Variants in L3MBTL4 observed in about 807,000 individuals in gnomAD.
L3MBTL4 encodes lethal(3)malignant brain tumor-like protein 4.
L3MBTL4 carries 70 observed loss-of-function variants against 84.5 expected under a neutral mutation model. That is an observed-to-expected ratio of 0.83 (90% confidence interval 0.68 to 1.01). The LOEUF is 1.01. L3MBTL4 is among the 50% of genes least tolerant of loss of function. The probability of loss-of-function intolerance (pLI) is 0.00; values close to 1 mark genes in which losing one functional copy is unlikely to be tolerated. For missense variants in L3MBTL4, 715 were observed against 754.8 expected, an observed-to-expected ratio of 0.95 and a Z score of 0.62; for synonymous variants, 274 against 259.8, an observed-to-expected ratio of 1.05 and a Z score of -0.52.
chr18:6,090,591 TATACACAC>T (rs1373015242), intron 15 of L3MBTL4, among the ~76,000 whole-genome samples: 58 of 128,350 alleles, frequency 4.5e-4, no homozygotes, highest in African/African-American at 1.1e-3. Context: ...ATATTATATA[TATACACAC>T]ACACACACAC....
At chr18:6,284,106 T>TTTG (rs907931514) in intron 4 of L3MBTL4, among the ~76,000 whole-genome samples, 1 of 152,202 alleles carries the variant, frequency 6.6e-6, no homozygotes, top group African/African-American at 2.4e-5. Context: ...GGGGAAAATC[T>TTTG]TTGTTGTTGT....
chr18:5,967,204 G>T (rs891267480), intron 17 of L3MBTL4, among the ~76,000 whole-genome samples: 2 of 152,210 alleles, frequency 1.3e-5, no homozygotes, highest in African/African-American at 4.8e-5. Context: ...CCGGTCCTGG[G>T]TTACTTTCCT....
intron 13 of L3MBTL4, among the ~76,000 whole-genome samples, chr18:6,160,842 C>G (rs889223998): frequency 6.6e-6 from 1 of 151,824 alleles, no homozygotes; most frequent in Non-Finnish European, 1.5e-5. Context: ...TGGTTAATTT[C>G]CCACGCAAGA....
chr18:6,022,243 A>G (rs2055306540), intron 16 of L3MBTL4, among the ~76,000 whole-genome samples: 1 of 151,958 alleles, frequency 6.6e-6, no homozygotes, highest in African/African-American at 2.4e-5. Flanking sequence ...TCCTTTTCTT[A>G]CCTCCAAATG....
chr18:6,331,167 C>G (rs1233960359), intron 1 of L3MBTL4, among the ~76,000 whole-genome samples: 1 of 148,928 alleles, frequency 6.7e-6, no homozygotes, highest in Non-Finnish European at 1.5e-5. Flanking sequence ...GGGATAGAAA[C>G]TGAAGCCATA....
At chr18:6,071,768 A>G (rs185519806) in intron 16 of L3MBTL4, among the ~76,000 whole-genome samples, 3 of 102,764 alleles carry the variant, frequency 2.9e-5, no homozygotes, top group Admixed American at 1.1e-4. Flanking sequence ...AAAAAAAGAA[A>G]GAAAGAAAGA....
intron 4 of L3MBTL4, among the ~76,000 whole-genome samples, chr18:6,278,762 G>A (rs1282493627): frequency 6.6e-6 from 1 of 151,934 alleles, no homozygotes; most frequent in Admixed American, 6.6e-5. Context: ...TTTCCTGAGT[G>A]CCCTGTGATA....
At chr18:6,166,554 T>C (rs544345167) in intron 13 of L3MBTL4, among the ~76,000 whole-genome samples, 60 of 152,222 alleles carry the variant, frequency 3.9e-4, no homozygotes, top group Admixed American at 9.2e-4. Context: ...ACATGGAAAC[T>C]GAACAACCTG....
chr18:6,118,208 A>ACACACACACACAC (rs2059415716), intron 14 of L3MBTL4, among the ~76,000 whole-genome samples: 3 of 141,780 alleles, frequency 2.1e-5, no homozygotes, highest in African/African-American at 8.0e-5. Context: ...AACACACACA[A>ACACACACACACAC]ACACACACAC....
At chr18:6,031,253 T>C (rs2055786101) in intron 16 of L3MBTL4, 2 of 985,464 alleles carry the variant, frequency 2.0e-6, no homozygotes, top group Non-Finnish European at 2.4e-6. Flanking sequence ...CTGATATATC[T>C]TCTGCTAATA....
chr18:6,104,918 C>A (rs915582268), intron 14 of L3MBTL4, among the ~76,000 whole-genome samples: 4 of 151,182 alleles, frequency 2.6e-5, no homozygotes, highest in African/African-American at 9.7e-5. Flanking sequence ...GTTTGTAAAG[C>A]AATATTGTCC....
At chr18:6,310,165 C>T (rs2050763952) in intron 3 of L3MBTL4, among the ~76,000 whole-genome samples, 1 of 152,216 alleles carries the variant, frequency 6.6e-6, no homozygotes, top group South Asian at 2.1e-4. Flanking sequence ...TCTCCTCGTG[C>T]TCTGATTCCT....
At chr18:6,092,597 C>T (rs2058497846) in intron 15 of L3MBTL4, among the ~76,000 whole-genome samples, 1 of 152,238 alleles carries the variant, frequency 6.6e-6, no homozygotes, top group South Asian at 2.1e-4. Context: ...CATTTCTCAT[C>T]TCTCTGTCTA....
intron 4 of L3MBTL4, among the ~76,000 whole-genome samples, chr18:6,275,202 G>C (rs1568422449): frequency 6.6e-6 from 1 of 152,106 alleles, no homozygotes; most frequent in Non-Finnish European, 1.5e-5. Context: ...GAGGAGCCTA[G>C]TGACCTGCAG....
chr18:6,397,287 GA>G (rs2055313239), intron 1 of L3MBTL4: 1 of 152,218 alleles, frequency 6.6e-6, no homozygotes, highest in South Asian at 2.1e-4. Context: ...ATCTTATTTA[GA>G]AAACGATTAA....
chr18:6,137,397 T>G (rs2060056516), intron 14 of L3MBTL4, among the ~76,000 whole-genome samples: 1 of 152,378 alleles, frequency 6.6e-6, no homozygotes, highest in Non-Finnish European at 1.5e-5. Flanking sequence ...AGGCACTAGT[T>G]TCCAGGATTG....
At chr18:5,963,906 G>C (rs7228867) in intron 17 of L3MBTL4, among the ~76,000 whole-genome samples, 56,169 of 152,148 alleles carry the variant, frequency 0.37, 10,861 homozygotes, top group East Asian at 0.6. Flanking sequence ...CTGCAGAAGA[G>C]GAAACGACCA....
chr18:6,068,912 T>C (rs908937327), intron 16 of L3MBTL4, among the ~76,000 whole-genome samples: 1 of 152,332 alleles, frequency 6.6e-6, no homozygotes, highest in African/African-American at 2.4e-5. Context: ...CTTGATGTGA[T>C]GCTCTCCCCC....
intron 12 of L3MBTL4, among the ~76,000 whole-genome samples, chr18:6,187,866 C>CAA (rs36013917): frequency 0.024 from 2,318 of 96,896 alleles, 64 homozygotes; most frequent in African/African-American, 0.075. Flanking sequence ...CTCTTGGTAC[C>CAA]AAAAAAAAAA....
Sources: allele counts gnomAD v4.1 joint callset (sites outside exome capture counted in the v4.1 genomes callset), GRCh38; gene constraint gnomAD v4.1.1; transcripts MANE v1.5; gene names NCBI Gene and HGNC (gene_info 2026-07-23, HGNC 2026-07-21).